The following C1GALT1 variants were observed in gnomAD, a reference collection of about 807,000 sequenced individuals.
C1GALT1 encodes glycoprotein-N-acetylgalactosamine 3-beta-galactosyltransferase 1.
A neutral mutation model predicts 31.0 loss-of-function variants in C1GALT1; 11 were observed. The observed-to-expected ratio is 0.36, with a 90% CI of 0.22 to 0.59. The LOEUF (loss-of-function observed/expected upper bound fraction) is 0.59, where lower values mean the gene tolerates loss of function less well. Among genes scored for constraint, C1GALT1 ranks in the 20% least tolerant of loss-of-function variants. The pLI, the probability that C1GALT1 is intolerant of heterozygous loss-of-function variation, is 0.79. For synonymous variants in C1GALT1, 175 were observed against 143.6 expected (o/e 1.22, Z -1.56); for missense variants, 424 against 425.2 (o/e 1.00, Z 0.03).
At position 7,157,629 on chromosome 7, in the gene C1GALT1, T is replaced by C. The variant is rs145405013; in HGVS notation, c.-18+203T>C. On this transcript the variant is annotated intron_variant, in intron 2 of 3. Transcript: ENST00000429911. ...GACTGGCTTCTAAGATTATATTTAT[T>C]TCAATATAGTTTCTGTTCAACTTAG... is the stretch of plus-strand genomic sequence containing the variant. Among the ~76,000 whole-genome samples, 814 of 152,348 alleles carry C rather than the reference T, an allele frequency of 5.3e-3. 7 individuals carry two copies. The highest frequency in any genetic ancestry group is 0.018 in the African/African-American group (764 of 41,572).
intron 1 of C1GALT1, among the ~76,000 whole-genome samples, chr7:7,198,597 T>A (rs1302497238): frequency 3.3e-5 from 5 of 152,242 alleles, no homozygotes; most frequent in African/African-American, 1.2e-4. Context: ...TGGGATAGTT[T>A]CAGAAGGAAT....
upstream of C1GALT1, among the ~76,000 whole-genome samples, chr7:7,181,333 A>G (rs569234141): frequency 6.6e-6 from 1 of 152,322 alleles, no homozygotes; most frequent in South Asian, 2.1e-4. Flanking sequence ...GGACGTAATC[A>G]TGTAAGGCAG....
intron 3 of C1GALT1, among the ~76,000 whole-genome samples, chr7:7,241,628 CT>C: frequency 6.6e-6 from 1 of 151,864 alleles, no homozygotes; most frequent in East Asian, 1.9e-4. Context: ...ATTTTTGTTA[CT>C]GTTCTACTTG....
chr7:7,159,731 C>T (rs1320868839), intron 2 of C1GALT1, among the ~76,000 whole-genome samples: 2 of 151,978 alleles, frequency 1.3e-5, no homozygotes, highest in African/African-American at 4.8e-5. Context: ...ATAATGTTAG[C>T]AAAGTTAAAA....
chr7:7,203,251 G>T (rs1219410025), intron 1 of C1GALT1, among the ~76,000 whole-genome samples: 1 of 152,084 alleles, frequency 6.6e-6, no homozygotes, highest in East Asian at 1.9e-4. Flanking sequence ...TTGAATAGAA[G>T]TGATGAAATC....
chr7:7,160,748 A>G (rs1472158010), intron 2 of C1GALT1, among the ~76,000 whole-genome samples: 1 of 152,098 alleles, frequency 6.6e-6, no homozygotes, highest in Non-Finnish European at 1.5e-5. Context: ...CAAAGGTATG[A>G]AGTAGCTGCA....
intron 1 of C1GALT1, among the ~76,000 whole-genome samples, chr7:7,233,651 T>G (rs900904738): frequency 2.0e-5 from 3 of 152,216 alleles, no homozygotes; most frequent in Admixed American, 6.5e-5. Flanking sequence ...CTCTGCTGTT[T>G]TAGGGCAAAA....
chr7:7,218,819 T>A (rs1361821208), intron 1 of C1GALT1, among the ~76,000 whole-genome samples: 1 of 151,536 alleles, frequency 6.6e-6, no homozygotes, highest in East Asian at 1.9e-4. Flanking sequence ...TTGGTATACA[T>A]CTCAAACCGT....
chr7:7,229,570 G>A (rs183634003), intron 1 of C1GALT1, among the ~76,000 whole-genome samples: 1 of 152,132 alleles, frequency 6.6e-6, no homozygotes, highest in African/African-American at 2.4e-5. Flanking sequence ...TGACTAATCA[G>A]TTCTCTCTGG....
intron 1 of C1GALT1, among the ~76,000 whole-genome samples, chr7:7,190,117 C>T (rs1780995049): frequency 6.6e-6 from 1 of 152,096 alleles, no homozygotes; most frequent in Non-Finnish European, 1.5e-5. Flanking sequence ...AGGAGACTTG[C>T]ACAGCAGAGG....
chr7:7,165,567 G>A (rs1023439212), intron 2 of C1GALT1, among the ~76,000 whole-genome samples: 1 of 152,082 alleles, frequency 6.6e-6, no homozygotes, highest in African/African-American at 2.4e-5. Context: ...GGAAGCTCTA[G>A]ATGCAAGAAT....
intron 2 of C1GALT1, among the ~76,000 whole-genome samples, chr7:7,167,578 TTTG>T (rs1719078086): frequency 6.6e-6 from 1 of 151,932 alleles, no homozygotes; most frequent in Admixed American, 6.6e-5. Context: ...GTAAGTTTTT[TTTG>T]TTGTTCATTT....
intron 2 of C1GALT1, among the ~76,000 whole-genome samples, chr7:7,237,562 A>AT (rs1562596961): frequency 6.6e-6 from 1 of 152,196 alleles, no homozygotes; most frequent in African/African-American, 2.4e-5. Context: ...GCTCTAGACC[A>AT]TCTTGGAATT....
chr7:7,226,004 G>A (rs1251667891), intron 1 of C1GALT1, among the ~76,000 whole-genome samples: 1 of 152,134 alleles, frequency 6.6e-6, no homozygotes, highest in African/African-American at 2.4e-5. Flanking sequence ...TTGGCTGGCT[G>A]GTTTGGGTCC....
intron 1 of C1GALT1, among the ~76,000 whole-genome samples, chr7:7,201,909 G>T (rs1438898420): frequency 2.0e-5 from 3 of 152,214 alleles, no homozygotes; most frequent in Non-Finnish European, 4.4e-5. Context: ...TCAGCTGGAA[G>T]TTTCCTTCTC....
At chr7:7,206,476 C>T (rs2128237326) in intron 1 of C1GALT1, among the ~76,000 whole-genome samples, 1 of 151,988 alleles carries the variant, frequency 6.6e-6, no homozygotes, top group East Asian at 1.9e-4. Flanking sequence ...GGAGTCAAGA[C>T]CAGCCTGACC....
At chr7:7,207,066 T>G (rs1306495289) in intron 1 of C1GALT1, among the ~76,000 whole-genome samples, 1 of 152,158 alleles carries the variant, frequency 6.6e-6, no homozygotes, top group African/African-American at 2.4e-5. Flanking sequence ...TACTTGGGAC[T>G]ATGACAGTGT....
At chr7:7,233,271 CT>C (rs528587194) in intron 1 of C1GALT1, among the ~76,000 whole-genome samples, 2 of 148,950 alleles carry the variant, frequency 1.3e-5, no homozygotes, top group Non-Finnish European at 3.0e-5. Context: ...CAAACTTTTT[CT>C]TTTTTTTTTC....
chr7:7,228,721 A>AT (rs1350053991), intron 1 of C1GALT1, among the ~76,000 whole-genome samples: 5 of 152,228 alleles, frequency 3.3e-5, no homozygotes, highest in Non-Finnish European at 7.3e-5. Context: ...GAGTGTGCTG[A>AT]TACTCTGGGG....
Sources: allele counts gnomAD v4.1 joint callset (sites outside exome capture counted in the v4.1 genomes callset), GRCh38; gene constraint gnomAD v4.1.1; transcripts MANE v1.5; gene names NCBI Gene and HGNC (gene_info 2026-07-23, HGNC 2026-07-21).